The following BMAL1 variants were observed in gnomAD, a reference collection of about 807,000 sequenced individuals.
The protein encoded by BMAL1 is basic helix-loop-helix ARNT like 1.
At chr11:13,360,656 G>A in the BMAL1 span, among the ~76,000 whole-genome samples, 7 of 152,048 alleles carry the variant, frequency 4.6e-5, no homozygotes, top group Admixed American at 1.3e-4. Context: ...CTATGCCACC[G>A]CAATTTAAAA....
chr11:13,362,482 C>A, the BMAL1 span, among the ~76,000 whole-genome samples: 1 of 152,144 alleles, frequency 6.6e-6, no homozygotes, highest in Admixed American at 6.5e-5. Flanking sequence ...TGCCTCTGTG[C>A]CTTTCATCCT....
At chr11:13,298,481 A>G in the BMAL1 span, among the ~76,000 whole-genome samples, 17 of 152,116 alleles carry the variant, frequency 1.1e-4, no homozygotes, top group African/African-American at 4.1e-4. Context: ...ACTTATCACC[A>G]TCTAATATAT....
chr11:13,283,837 C>G, the BMAL1 span, among the ~76,000 whole-genome samples: 1 of 152,002 alleles, frequency 6.6e-6, no homozygotes, highest in Admixed American at 6.5e-5. Context: ...TCTGGCCTCC[C>G]CCTGCTTTCT....
chr11:13,364,933 G>T, the BMAL1 span, among the ~76,000 whole-genome samples: 1 of 152,082 alleles, frequency 6.6e-6, no homozygotes, highest in Admixed American at 6.6e-5. Context: ...AGTGGGATGG[G>T]TTTAAAAATA....
chr11:13,377,666 C>T, the BMAL1 span, among the ~76,000 whole-genome samples: 1,077 of 152,296 alleles, frequency 7.1e-3, 11 homozygotes, highest in Non-Finnish European at 0.011. Flanking sequence ...TGTCCAAATT[C>T]GTTAGTACGG....
At chr11:13,292,766 G>A in the BMAL1 span, among the ~76,000 whole-genome samples, 13 of 152,144 alleles carry the variant, frequency 8.5e-5, no homozygotes, top group East Asian at 2.1e-3. Flanking sequence ...TCCAGGCCTA[G>A]TATTTTTAAC....
chr11:13,291,287 G>T, the BMAL1 span, among the ~76,000 whole-genome samples: 1 of 152,190 alleles, frequency 6.6e-6, no homozygotes, highest in Non-Finnish European at 1.5e-5. Context: ...ACAACCCTAT[G>T]AGGGTTTGCA....
the BMAL1 span, chr11:13,378,222 C>T: frequency 7.3e-7 from 1 of 1,365,518 alleles, no homozygotes; most frequent in Non-Finnish European, 9.6e-7. Flanking sequence ...CCTCAAGGCA[C>T]AACTCTGATG....
chr11:13,381,213 A>C, the BMAL1 span: 1 of 1,614,168 alleles, frequency 6.2e-7, no homozygotes. Flanking sequence ...GAACATCACG[A>C]GTACGCCTCC....
the BMAL1 span, among the ~76,000 whole-genome samples, chr11:13,308,285 C>T: frequency 6.6e-6 from 1 of 152,196 alleles, no homozygotes; most frequent in Non-Finnish European, 1.5e-5. Context: ...AAGTTTGAGA[C>T]ACCCACCATG....
At chr11:13,338,875 G>A in the BMAL1 span, among the ~76,000 whole-genome samples, 1 of 152,266 alleles carries the variant, frequency 6.6e-6, no homozygotes, top group African/African-American at 2.4e-5. Context: ...TAAACGGGAC[G>A]TGGTCAGTGT....
the BMAL1 span, among the ~76,000 whole-genome samples, chr11:13,290,028 A>C: frequency 6.6e-6 from 1 of 152,156 alleles, no homozygotes; most frequent in Non-Finnish European, 1.5e-5. Context: ...ATTTCTCCAC[A>C]TCCTCTCCAG....
chr11:13,314,398 C>T, the BMAL1 span, among the ~76,000 whole-genome samples: 4 of 152,080 alleles, frequency 2.6e-5, no homozygotes, highest in South Asian at 8.3e-4. Flanking sequence ...ATAAAATGTA[C>T]CTGAAATGGG....
chr11:13,357,607 G>A, the BMAL1 span, among the ~76,000 whole-genome samples: 44 of 152,154 alleles, frequency 2.9e-4, no homozygotes, highest in Non-Finnish European at 1.5e-4. This position sits in a 1 kb window ranked among gnomAD's most constrained non-coding sequence, Gnocchi z 4.8. Flanking sequence ...TTCTTCTGCC[G>A]TTAGTACCAG....
chr11:13,312,008 A>C, the BMAL1 span, among the ~76,000 whole-genome samples: 1 of 152,112 alleles, frequency 6.6e-6, no homozygotes, highest in African/African-American at 2.4e-5. Flanking sequence ...TTGTGCTCTG[A>C]GTATTTTGAG....
the BMAL1 span, chr11:13,386,964 AT>A: frequency 4.3e-6 from 2 of 469,438 alleles, no homozygotes; most frequent in African/African-American, 3.9e-5. Context: ...TTTCCTCATC[AT>A]TGATTATTGG....
At chr11:13,289,716 C>T in the BMAL1 span, among the ~76,000 whole-genome samples, 99,201 of 152,102 alleles carry the variant, frequency 0.65, 32,669 homozygotes, top group Non-Finnish European at 0.71. Context: ...ATGAACTCAT[C>T]CTTTTTTATG....
At chr11:13,330,502 G>A in the BMAL1 span, among the ~76,000 whole-genome samples, 2 of 152,230 alleles carry the variant, frequency 1.3e-5, no homozygotes, top group Admixed American at 6.5e-5. Flanking sequence ...TAATTATGGG[G>A]TTGCCAGCAT....
At chr11:13,356,134 G>A in the BMAL1 span, among the ~76,000 whole-genome samples, 1 of 152,116 alleles carries the variant, frequency 6.6e-6, no homozygotes. Context: ...GTGGCCCTCA[G>A]CCCCACTACG....
Sources: gnomAD v4.1 joint callset for allele counts (sites outside exome capture counted in the v4.1 genomes callset) on GRCh38, gnomAD v4.1.1 for gene constraint, Gnocchi (gnomAD v3.1) non-coding constraint, MANE v1.5 for transcripts, NCBI Gene and HGNC (gene_info 2026-07-23, HGNC 2026-07-21) for gene names.